TMEM131L: variants seen among roughly 807,000 people sequenced by gnomAD.
TMEM131L encodes the protein transmembrane protein 131-like.
A neutral mutation model predicts 192.2 loss-of-function variants in TMEM131L; 54 were observed. The ratio of observed to expected loss-of-function variants is 0.28; its 90% confidence interval spans 0.23 to 0.35. TMEM131L has a LOEUF of 0.35. Among genes scored for constraint, TMEM131L ranks in the 10% least tolerant of loss-of-function variants. The pLI is 1.00. For synonymous variants in TMEM131L, 701 were observed against 704.9 expected (o/e 0.99, Z 0.09); for missense variants, 1,888 against 1,972.9 (o/e 0.96, Z 0.82).
At chr4:153,550,477 C>T (rs1737530501) in intron 4 of TMEM131L, among the ~76,000 whole-genome samples, 1 of 152,112 alleles carries the variant, frequency 6.6e-6, no homozygotes, top group South Asian at 2.1e-4. Flanking sequence ...CAGGCACCCG[C>T]CACCACGCCC....
intron 19 of TMEM131L, among the ~76,000 whole-genome samples, chr4:153,595,519 A>G (rs1433490145): frequency 6.6e-6 from 1 of 152,178 alleles, no homozygotes; most frequent in Non-Finnish European, 1.5e-5. Flanking sequence ...CAATAACTGA[A>G]ACATAAAATT....
At chr4:153,610,950 G>A (rs915109143) in intron 25 of TMEM131L, among the ~76,000 whole-genome samples, 19 of 152,304 alleles carry the variant, frequency 1.2e-4, no homozygotes, top group African/African-American at 4.6e-4. Context: ...AAAGAAGAAG[G>A]TACTGAAATA....
intron 3 of TMEM131L, among the ~76,000 whole-genome samples, chr4:153,539,495 T>A (rs1736603362): frequency 8.0e-6 from 1 of 124,454 alleles, no homozygotes; most frequent in Non-Finnish European, 1.6e-5. Context: ...AGGCTAGATT[T>A]TTTTTTTTTT....
rs935654761 is a variant in TMEM131L at position 153,602,147 on chromosome 4, A to G, written c.2267-5A>G. 3 of 1,535,804 alleles carry G rather than the reference A, an allele frequency of 2.0e-6. No individual in the cohort carries two copies. The highest frequency in any genetic ancestry group is 1.2e-5 in the South Asian group (1 of 83,580). ...TACTAAATATCTTTTTTTGGTTCCCATTAGAACTGAAAGACAGTAAGCAAA... is the reference window on the plus strand; with the variant it reads ...TACTAAATATCTTTTTTTGGTTCCCGTTAGAACTGAAAGACAGTAAGCAAA... On this transcript the variant is annotated splice_polypyrimidine_tract_variant and splice_region_variant and intron_variant, in intron 21 of 34. Transcript: ENST00000409959.
chr4:153,583,113 A>G (rs1042100953), intron 9 of TMEM131L, 77 bp from the exon 10 acceptor site: 8 of 763,816 alleles, frequency 1.0e-5, no homozygotes, highest in African/African-American at 8.7e-5. Flanking sequence ...TGATTATATG[A>G]AGGTGTGAGA....
intron 3 of TMEM131L, among the ~76,000 whole-genome samples, chr4:153,549,614 T>C (rs1353946625): frequency 2.6e-5 from 4 of 152,210 alleles, no homozygotes; most frequent in African/African-American, 7.2e-5. Flanking sequence ...TGTATGATTG[T>C]TATTCTTATG....
At chr4:153,620,617 A>G in intron 26 of TMEM131L, 139 bp from the exon 27 acceptor site, 2 of 438,254 alleles carry the variant, frequency 4.6e-6, no homozygotes, top group Non-Finnish European at 8.1e-6. Context: ...AAAACAAACT[A>G]GAGGCTGAGC....
chr4:153,552,947 T>G (rs1296711363), intron 4 of TMEM131L, among the ~76,000 whole-genome samples: 1 of 150,780 alleles, frequency 6.6e-6, no homozygotes, highest in South Asian at 2.1e-4. Flanking sequence ...TTTTTTGTGT[T>G]TTTTTTTTTC....
intron 29 of TMEM131L, 142 bp downstream of exon 29, chr4:153,623,225 C>G (rs895501102): frequency 1.8e-5 from 12 of 660,398 alleles, no homozygotes; most frequent in Admixed American, 7.3e-5. Context: ...TTTGGACTTA[C>G]TCACTTTCTT....
chr4:153,627,533 G>A (rs1166238168), intron 30 of TMEM131L, 72 bp from the exon 31 acceptor site: 12 of 1,139,580 alleles, frequency 1.1e-5, no homozygotes, highest in African/African-American at 3.1e-5. Flanking sequence ...TCAATCAGAC[G>A]TGGTTATACA....
chr4:153,475,940 C>G (rs1010997599), intron 3 of TMEM131L, among the ~76,000 whole-genome samples: 2 of 152,170 alleles, frequency 1.3e-5, no homozygotes, highest in African/African-American at 4.8e-5. Flanking sequence ...TTCGACTGTA[C>G]TAATACAAAT....
intron 3 of TMEM131L, among the ~76,000 whole-genome samples, chr4:153,527,145 T>C (rs1052071140): frequency 2.0e-5 from 3 of 152,176 alleles, no homozygotes; most frequent in Non-Finnish European, 4.4e-5. Context: ...CATTGATGTT[T>C]TAGGATTTGG....
chr4:153,547,878 G>C (rs558518730), intron 3 of TMEM131L, among the ~76,000 whole-genome samples: 1 of 152,316 alleles, frequency 6.6e-6, no homozygotes, highest in Non-Finnish European at 1.5e-5. Flanking sequence ...AACCTCATCT[G>C]TTCATGTGGA....
chr4:153,563,065 A>T (rs981583724), intron 7 of TMEM131L, among the ~76,000 whole-genome samples: 14 of 152,336 alleles, frequency 9.2e-5, no homozygotes, highest in Non-Finnish European at 1.6e-4. Context: ...TTGAATATTT[A>T]AAAAATTATC....
chr4:153,490,677 C>T (rs952200486), intron 3 of TMEM131L, among the ~76,000 whole-genome samples: 18 of 151,994 alleles, frequency 1.2e-4, no homozygotes, highest in South Asian at 4.1e-4. Flanking sequence ...AATGAGCGGC[C>T]GGGCGTGGGG....
intron 3 of TMEM131L, among the ~76,000 whole-genome samples, chr4:153,513,179 T>G (rs1734479524): frequency 6.6e-6 from 1 of 152,256 alleles, no homozygotes; most frequent in Non-Finnish European, 1.5e-5. Flanking sequence ...TTGAATTTAC[T>G]GTCATGCTGG....
intron 7 of TMEM131L, among the ~76,000 whole-genome samples, chr4:153,574,460 T>C (rs757755488): frequency 8.5e-5 from 13 of 152,318 alleles, no homozygotes; most frequent in Non-Finnish European, 1.8e-4. Flanking sequence ...CTGAGTGTTA[T>C]GTGGAAGGCA....
chr4:153,517,211 G>C (rs1432907222), intron 3 of TMEM131L, among the ~76,000 whole-genome samples: 2 of 152,194 alleles, frequency 1.3e-5, no homozygotes, highest in African/African-American at 4.8e-5. Flanking sequence ...AGATGAAGTT[G>C]GTTGAAGTTT....
At chr4:153,567,710 A>G (rs892443475) in intron 7 of TMEM131L, among the ~76,000 whole-genome samples, 3 of 152,032 alleles carry the variant, frequency 2.0e-5, no homozygotes, top group Non-Finnish European at 4.4e-5. Flanking sequence ...ACACCCAGCT[A>G]ATTTTTGTAT....
Sources: allele counts gnomAD v4.1 joint callset (sites outside exome capture counted in the v4.1 genomes callset), GRCh38; gene constraint gnomAD v4.1.1; transcripts MANE v1.5; gene names NCBI Gene and HGNC (gene_info 2026-07-23, HGNC 2026-07-21).